The following NUDT2 variants were observed in gnomAD, a reference collection of about 807,000 sequenced individuals.
The protein encoded by NUDT2 is nudix hydrolase 2, also known as bis(5'-nucleosyl)-tetraphosphatase [asymmetrical].
Under a neutral mutation model 14.2 loss-of-function variants are expected in NUDT2, and 12 were observed. The ratio of observed to expected loss-of-function variants is 0.84; its 90% CI spans 0.54 to 1.37. NUDT2 has a LOEUF of 1.37. Among genes scored for constraint, NUDT2 ranks in the 40% most tolerant of loss-of-function variants. The probability of loss-of-function intolerance (pLI) is 0.00; values close to 1 mark genes in which losing one functional copy is unlikely to be tolerated. For missense variants in NUDT2, 167 were observed against 176.7 expected, an observed-to-expected ratio of 0.95 and a Z score of 0.31; for synonymous variants, 67 against 67.4, an observed-to-expected ratio of 0.99 and a Z score of 0.03.
rs1820248991 is a variant in NUDT2 at position 34,343,493 on chromosome 9, G to A, written c.*53G>A. The A allele has an allele frequency of 1.4e-6, 2 of 1,451,282 alleles. No homozygotes were observed. The highest frequency in any genetic ancestry group is 2.4e-5 in the Admixed American group (1 of 41,932). 89.9% of individuals were successfully genotyped at this position (1,451,282 alleles called of 1,614,324 possible). A position where few individuals can be genotyped will look rare whatever the true frequency, so the allele number is the denominator to read the frequency against. ...AGCAGGATCCTTGTGGGCCTTCTAA[G>A]ATGAAGCCACCCTCAGGTCCAGGGA... On this transcript the variant is annotated 3_prime_UTR_variant, in exon 5 of 5. Transcript: ENST00000379158.
At position 34,343,674 on chromosome 9, in the gene NUDT2, T is replaced by G. The variant is rs780514198; in HGVS notation, c.*234T>G. On this transcript the variant is annotated 3_prime_UTR_variant, in exon 5 of 5. Transcript: ENST00000379158. Reference sequence around the variant, plus strand: ...AGGCCCAGTAAGTGTACCTTGTACTTTATAAATAAACCTCAAGCAGCTCAA... The same window carrying G: ...AGGCCCAGTAAGTGTACCTTGTACTGTATAAATAAACCTCAAGCAGCTCAA... 8.8e-6 allele frequency: 4 copies of G among 456,676 alleles called. No individual in the cohort carries two copies. Among genetic ancestry groups the G allele is most frequent in the Admixed American group, 3.8e-5 (1 of 26,320 alleles). The allele number at this position is 456,676 out of a possible 1,614,324, so 28.3% of individuals were successfully genotyped here.
intron 4 of NUDT2, among the ~76,000 whole-genome samples, chr9:34,341,465 C>T (rs1264632354): frequency 1.3e-5 from 2 of 152,198 alleles, no homozygotes; most frequent in South Asian, 2.1e-4. Context: ...GAAAATTCCC[C>T]AGAAGCTATA....
chr9:34,332,138 A>G (rs1212685073), intron 1 of NUDT2, among the ~76,000 whole-genome samples: 1 of 152,188 alleles, frequency 6.6e-6, no homozygotes, highest in African/African-American at 2.4e-5. Context: ...AGTCTGACCA[A>G]ATTATACCCT....
At chr9:34,339,608 C>T (rs1838183707) in intron 4 of NUDT2, among the ~76,000 whole-genome samples, 1 of 152,078 alleles carries the variant, frequency 6.6e-6, no homozygotes, top group Non-Finnish European at 1.5e-5. Context: ...TTTTGGAGGT[C>T]GAGGTGGGCA....
intron 1 of NUDT2, among the ~76,000 whole-genome samples, chr9:34,333,175 T>C (rs1837992891): frequency 6.6e-6 from 1 of 152,112 alleles, no homozygotes; most frequent in Admixed American, 6.5e-5. Flanking sequence ...TTGAGATGGG[T>C]GCTATTAGGA....
intron 1 of NUDT2, among the ~76,000 whole-genome samples, chr9:34,334,288 T>C (rs1333564644): frequency 6.6e-6 from 1 of 152,184 alleles, no homozygotes; most frequent in Non-Finnish European, 1.5e-5. Flanking sequence ...TCTAGAACCT[T>C]CTAATGACAT....
In NUDT2 at chr9:34,337,579, C is replaced by T. The variant is rs560507949; in HGVS notation, c.-151-1134C>T. Among the ~76,000 whole-genome samples the T allele has an allele frequency of 9.2e-5, 14 of 152,214 alleles. No homozygotes were observed. The South Asian group carries it at 1.5e-3, about 16-fold the overall frequency. ...GGGTGTTTGGTTTTTGGTGAGAAAC[C>T]GCTATTCTCTAGAGTAACATTACCA... On this transcript the variant is annotated intron_variant, in intron 2 of 4. Coordinates refer to ENST00000379158, the MANE Select transcript of NUDT2 (RefSeq NM_001161.5).
Position 34,339,028 on chromosome 9 carries a change from T to C in NUDT2, c.-12T>C. 1 of 1,607,572 alleles carries C rather than the reference T, an allele frequency of 6.2e-7. No individual in the cohort carries two copies. Among genetic ancestry groups the C allele is most frequent in the Non-Finnish European group, 8.5e-7 (1 of 1,174,808 alleles). On this transcript the variant is annotated 5_prime_UTR_variant, in exon 4 of 5. Coordinates refer to ENST00000379158, the MANE Select transcript of NUDT2 (RefSeq NM_001161.5). ...TTCTGTATCTTCTTTGTTAAGTCCT[T>C]AGGATAAGACCATGGCCTTGAGAGC... is the stretch of plus-strand genomic sequence containing the variant.
intron 1 of NUDT2, among the ~76,000 whole-genome samples, chr9:34,331,754 C>G (rs950695705): frequency 6.6e-6 from 1 of 152,184 alleles, no homozygotes; most frequent in Admixed American, 6.5e-5. Flanking sequence ...GATCACTGAA[C>G]TTTAGACCCA....
At chr9:34,332,317 T>C (rs1837963868) in intron 1 of NUDT2, among the ~76,000 whole-genome samples, 1 of 152,198 alleles carries the variant, frequency 6.6e-6, no homozygotes, top group South Asian at 2.1e-4. Flanking sequence ...TCAGAATCCT[T>C]ATGGGGTACC....
Position 34,343,320 on chromosome 9 carries a change from C to T in NUDT2, c.324C>T (p.Ser108=), listed in dbSNP as rs1161405198. ...VKDYDVEIRL[S]HEHQAYRWLG... ...ACTATGACGTGGAGATCCGCCTCTC[C>T]CATGAGCACCAAGCCTACCGCTGGC... Residue 108 remains serine (S), a synonymous_variant, in exon 5 of 5, where the codon TCC becomes TCT. Coordinates refer to ENST00000379158, the MANE Select transcript of NUDT2 (RefSeq NM_001161.5). The T allele has an allele frequency of 6.2e-7, 1 of 1,613,726 alleles. No individual in the cohort carries two copies. The highest frequency in any genetic ancestry group is 8.5e-7 in the Non-Finnish European group (1 of 1,179,956).
At position 34,339,018 on chromosome 9, in the gene NUDT2, G is replaced by T. The variant is rs370422239; in HGVS notation, c.-16-6G>T. ...CTTCCCAATATTCTGTATCTTCTTT[G>T]TTAAGTCCTTAGGATAAGACCATGG... On this transcript the variant is annotated splice_polypyrimidine_tract_variant and splice_region_variant and intron_variant, in intron 3 of 4. Coordinates refer to ENST00000379158, the MANE Select transcript of NUDT2 (RefSeq NM_001161.5). The T allele has an allele frequency of 1.9e-6, 3 of 1,601,008 alleles. No homozygotes were observed. Among genetic ancestry groups the T allele is most frequent in the Non-Finnish European group, 2.6e-6 (3 of 1,169,724 alleles).
chr9:34,341,062 A>C (rs55852427), intron 4 of NUDT2, among the ~76,000 whole-genome samples: 18,662 of 152,210 alleles, frequency 0.12, 1,490 homozygotes, highest in Non-Finnish European at 0.18. Flanking sequence ...TGGGAACAGG[A>C]AATAAATTTT....
intron 2 of NUDT2, among the ~76,000 whole-genome samples, chr9:34,337,164 T>C (rs905216550): frequency 3.3e-5 from 5 of 151,988 alleles, no homozygotes; most frequent in Non-Finnish European, 7.4e-5. Context: ...CACGCCTGGA[T>C]AATTTTTGTA....
Position 34,343,618 on chromosome 9 carries a change from G to C in NUDT2, c.*178G>C, listed in dbSNP as rs1820253567. On this transcript the variant is annotated 3_prime_UTR_variant, in exon 5 of 5. Transcript: ENST00000379158. ...AGCAAAAATCTTGGCTGGGTGGAAA[G>C]GAAGGCAAAAGAGTAAAAATTAAAA... The C allele has an allele frequency of 1.8e-6, 1 of 569,558 alleles. No individual in the cohort carries two copies. The highest frequency in any genetic ancestry group is 2.9e-5 in the East Asian group (1 of 34,748). The allele number at this position is 569,558 out of a possible 1,614,324, so 35.3% of individuals were successfully genotyped here. A position where few individuals can be genotyped will look rare whatever the true frequency, so the allele number is the denominator to read the frequency against.
rs1465939323 is a variant in NUDT2, at chr9:34,341,319, TC to T, written c.128-1803del. ...CCTGGGAGGGGTGTGCTCAGGGACT[TC>T]CATACACCTCTGAGGGGAGGTAGGA... is the stretch of plus-strand genomic sequence containing the variant. On this transcript the variant is annotated intron_variant, in intron 4 of 4. Coordinates refer to ENST00000379158, the MANE Select transcript of NUDT2 (RefSeq NM_001161.5). Among the ~76,000 whole-genome samples, 10 of 152,248 alleles carry T rather than the reference TC, an allele frequency of 6.6e-5. No homozygotes were observed. The East Asian group carries it at 1.5e-3, about 24-fold the overall frequency.
chr9:34,339,267 G>GAAAAA, intron 4 of NUDT2, 101 bp downstream of exon 4: 1 of 1,425,900 alleles, frequency 7.0e-7, no homozygotes, highest in Admixed American at 1.9e-5. Flanking sequence ...TGACTGTGTA[G>GAAAAA]CAAAAAGGGG....
chr9:34,339,306 C>T, intron 4 of NUDT2, 140 bp downstream of exon 4: 1 of 997,150 alleles, frequency 1.0e-6, no homozygotes, highest in Non-Finnish European at 1.5e-6. Context: ...TTGACCCTTT[C>T]TACATACAAG....
chr9:34,342,471 G>C (rs1473958967), intron 4 of NUDT2, among the ~76,000 whole-genome samples: 1 of 152,190 alleles, frequency 6.6e-6, no homozygotes. Context: ...TGATTCCTTA[G>C]AGCATGGGAT....
Sources: allele counts gnomAD v4.1 joint callset (sites outside exome capture counted in the v4.1 genomes callset), GRCh38; gene constraint gnomAD v4.1.1; transcripts MANE v1.5; gene names NCBI Gene and HGNC (gene_info 2026-07-23, HGNC 2026-07-21).